RNF180: variants seen among roughly 807,000 people sequenced by gnomAD.
RNF180 encodes ring finger protein 180, also known as E3 ubiquitin-protein ligase RNF180.
In RNF180, 38 loss-of-function variants were observed where a neutral mutation model predicts 59.2. The ratio of observed to expected loss-of-function variants is 0.64; its 90% CI spans 0.50 to 0.84. RNF180 has a LOEUF of 0.84. RNF180 is among the 40% of genes least tolerant of loss of function. The pLI, the probability that RNF180 is intolerant of heterozygous loss-of-function variation, is 0.00. For synonymous variants in RNF180, 262 were observed against 240.3 expected (o/e 1.09, Z -0.84); for missense variants, 705 against 700.9 (o/e 1.01, Z -0.07).
chr5:64,323,768 T>C (rs551123330), intron 5 of RNF180, among the ~76,000 whole-genome samples: 2 of 152,308 alleles, frequency 1.3e-5, no homozygotes, highest in African/African-American at 4.8e-5. Context: ...ATACTAAATG[T>C]ATTAAGTGGA....
chr5:64,198,141 G>A (rs147114858), intron 1 of RNF180, among the ~76,000 whole-genome samples: 5 of 152,068 alleles, frequency 3.3e-5, no homozygotes, highest in South Asian at 2.1e-4. Flanking sequence ...TCCTTAACTC[G>A]GTATATTAAA....
intron 7 of RNF180, among the ~76,000 whole-genome samples, chr5:64,353,140 T>G (rs1459034652): frequency 6.6e-6 from 1 of 151,828 alleles, no homozygotes; most frequent in African/African-American, 2.4e-5. Context: ...ATTTAAGTTT[T>G]TAATACATAG....
intron 5 of RNF180, among the ~76,000 whole-genome samples, chr5:64,249,372 C>G (rs1409039872): frequency 2.0e-5 from 3 of 152,178 alleles, no homozygotes; most frequent in Non-Finnish European, 4.4e-5. Flanking sequence ...GCAGGCTTCT[C>G]AGCCGAAACC....
At chr5:64,355,295 C>T (rs1289642331) in intron 7 of RNF180, among the ~76,000 whole-genome samples, 1 of 151,874 alleles carries the variant, frequency 6.6e-6, no homozygotes, top group East Asian at 1.9e-4. Context: ...CCAGAAAGGA[C>T]ACTAAAAGCA....
intron 5 of RNF180, among the ~76,000 whole-genome samples, chr5:64,244,341 T>C (rs555440850): frequency 7.2e-5 from 11 of 151,788 alleles, no homozygotes; most frequent in African/African-American, 2.7e-4. Context: ...GCTAAGAACC[T>C]TGAAAAAAAG....
chr5:64,241,470 C>G lies in RNF180; in HGVS notation c.1227+24074C>G, dbSNP rs767426023. ...CTGTGGAAGCCAGTCTTGCAGCCTA[C>G]AAGTTCAGACATTTTAGTACATAAG... is the stretch of plus-strand genomic sequence containing the variant. On this transcript the variant is annotated intron_variant, in intron 5 of 7. Coordinates refer to ENST00000389100, the MANE Select transcript of RNF180 (RefSeq NM_001113561.2). 5.3e-5 allele frequency among the ~76,000 whole-genome samples: 8 copies of G among 150,698 alleles called. No individual in the cohort carries two copies. In the East Asian group the frequency reaches 1.3e-3, roughly 25 times the overall value.
intron 5 of RNF180, among the ~76,000 whole-genome samples, chr5:64,232,879 A>G (rs908393379): frequency 6.6e-6 from 1 of 152,194 alleles, no homozygotes; most frequent in Non-Finnish European, 1.5e-5. Flanking sequence ...TGGAAGTTAG[A>G]TATTTTGTCT....
rs113649648 is a variant in RNF180 at position 64,338,452 on chromosome 5, G to T, written c.1579+8046G>T. On this transcript the variant is annotated intron_variant, in intron 7 of 7. Transcript: ENST00000389100. ...GATCGAGACCATCCTGGCTAACACG[G>T]TGAAACCCCGTCTCTACTAAAAATA... is the stretch of plus-strand genomic sequence containing the variant. 6.0e-3 allele frequency among the ~76,000 whole-genome samples: 907 copies of T among 152,138 alleles called. 18 individuals carry two copies. Among genetic ancestry groups the T allele is most frequent in the East Asian group, 0.042 (217 of 5,154 alleles).
At chr5:64,289,331 G>A (rs1442069836) in intron 5 of RNF180, among the ~76,000 whole-genome samples, 4 of 152,236 alleles carry the variant, frequency 2.6e-5, no homozygotes, top group African/African-American at 9.6e-5. Context: ...ATGTTCATCA[G>A]AGATATTGGC....
intron 1 of RNF180, 146 bp from the exon 2 acceptor site, chr5:64,200,662 C>T: frequency 1.6e-6 from 1 of 615,568 alleles, no homozygotes; most frequent in Admixed American, 3.0e-5. Flanking sequence ...GTGCCCCAAA[C>T]CTAAGACCTG....
At chr5:64,332,938 C>T (rs1561267290) in intron 7 of RNF180, among the ~76,000 whole-genome samples, 1 of 152,072 alleles carries the variant, frequency 6.6e-6, no homozygotes, top group Non-Finnish European at 1.5e-5. Flanking sequence ...TACAGTACTA[C>T]CTACACCAAA....
rs566498086 is a variant in RNF180, at chr5:64,370,489, C to T, written c.*675C>T. The T allele has an allele frequency of 1.3e-5, 2 of 151,588 alleles. No individual in the cohort carries two copies. The highest frequency in any genetic ancestry group is 6.6e-5 in the Admixed American group (1 of 15,138). The allele number at this position is 151,588 out of a possible 1,614,324, so 9.4% of individuals were successfully genotyped here. ...ACTTTCCAGATTGAAGGATTAATCA[C>T]CAGAAGACATGAAAAATTTACCGAC... On this transcript the variant is annotated 3_prime_UTR_variant, in exon 8 of 8. Transcript: ENST00000389100.
intron 5 of RNF180, among the ~76,000 whole-genome samples, chr5:64,227,363 G>A (rs1419188289): frequency 1.3e-5 from 2 of 152,172 alleles, no homozygotes; most frequent in African/African-American, 4.8e-5. Context: ...GAAGGCTGTG[G>A]GTACCGGGCA....
At chr5:64,260,663 A>G (rs1744281965) in intron 5 of RNF180, among the ~76,000 whole-genome samples, 1 of 152,182 alleles carries the variant, frequency 6.6e-6, no homozygotes, top group East Asian at 1.9e-4. Context: ...ATATTTGCAC[A>G]GAGCAAAGGC....
At chr5:64,357,272 A>G (rs1746064795) in intron 7 of RNF180, among the ~76,000 whole-genome samples, 1 of 151,882 alleles carries the variant, frequency 6.6e-6, no homozygotes, top group South Asian at 2.1e-4. Context: ...CAGTAACTCT[A>G]TACCTAGTTG....
intron 5 of RNF180, among the ~76,000 whole-genome samples, chr5:64,286,351 A>C (rs1320605353): frequency 1.3e-5 from 2 of 152,248 alleles, no homozygotes; most frequent in Non-Finnish European, 2.9e-5. Flanking sequence ...AGTTTCAAGA[A>C]AAAAGCACAT....
At chr5:64,234,459 C>G (rs1346411185) in intron 5 of RNF180, among the ~76,000 whole-genome samples, 2 of 151,644 alleles carry the variant, frequency 1.3e-5, no homozygotes, top group African/African-American at 4.8e-5. Context: ...GAATGAGACT[C>G]TGTCTCAAAA....
At chr5:64,270,955 T>C (rs1301403256) in intron 5 of RNF180, among the ~76,000 whole-genome samples, 1 of 152,112 alleles carries the variant, frequency 6.6e-6, no homozygotes, top group Non-Finnish European at 1.5e-5. Flanking sequence ...ATCATATAAA[T>C]ACTTGAAATT....
intron 1 of RNF180, among the ~76,000 whole-genome samples, chr5:64,197,733 T>C (rs1486191227): frequency 6.6e-6 from 1 of 152,198 alleles, no homozygotes; most frequent in Non-Finnish European, 1.5e-5. Flanking sequence ...GTTGTTTTAG[T>C]TGAGAGTTGA....
Sources: allele counts gnomAD v4.1 joint callset (sites outside exome capture counted in the v4.1 genomes callset), GRCh38; gene constraint gnomAD v4.1.1; transcripts MANE v1.5; gene names NCBI Gene and HGNC (gene_info 2026-07-23, HGNC 2026-07-21).